Variants in ERC1 observed in about 807,000 individuals in gnomAD.
ERC1 encodes the protein RAB6 interacting protein 2.
In ERC1, 56 loss-of-function variants were observed where a neutral mutation model predicts 132.0. That is an observed-to-expected ratio of 0.42 (90% CI 0.34 to 0.53). The LOEUF (loss-of-function observed/expected upper bound fraction) is 0.53. Among genes scored for constraint, ERC1 ranks in the 20% least tolerant of loss-of-function variants. The pLI, the probability that ERC1 is intolerant of heterozygous loss-of-function variation, is 0.03. For missense variants in ERC1, 1,202 were observed against 1,349.9 expected, an observed-to-expected ratio of 0.89 and a Z score of 1.72; for synonymous variants, 478 against 476.1, an observed-to-expected ratio of 1.00 and a Z score of -0.05.
At chr12:1,145,422 G>A (rs549215287) in intron 8 of ERC1, among the ~76,000 whole-genome samples, 1 of 151,906 alleles carries the variant, frequency 6.6e-6, no homozygotes, top group Admixed American at 6.6e-5. Flanking sequence ...CTTTTTGATG[G>A]GATTATTTGT....
chr12:1,082,439 C>T (rs368903493), intron 2 of ERC1, among the ~76,000 whole-genome samples: 1 of 150,004 alleles, frequency 6.7e-6, no homozygotes, highest in African/African-American at 2.5e-5. Context: ...TAGGTGTGAG[C>T]CCCCGCGCCT....
chr12:1,073,986 T>C (rs572969017), intron 2 of ERC1, among the ~76,000 whole-genome samples: 2 of 147,816 alleles, frequency 1.4e-5, no homozygotes, highest in East Asian at 4.2e-4. Flanking sequence ...TGCCTTAGCC[T>C]CCTGAGTAGC....
intron 15 of ERC1, among the ~76,000 whole-genome samples, chr12:1,343,373 T>C (rs2084106239): frequency 6.6e-6 from 1 of 152,230 alleles, no homozygotes; most frequent in Non-Finnish European, 1.5e-5. Context: ...TTAGTCTTTA[T>C]ATTTCAGTTC....
chr12:1,394,614 A>G (rs536265684), intron 16 of ERC1, among the ~76,000 whole-genome samples: 4 of 152,052 alleles, frequency 2.6e-5, no homozygotes, highest in Non-Finnish European at 5.9e-5. Context: ...ATAGTGAGTG[A>G]GTTCTCTTGA....
intron 17 of ERC1, among the ~76,000 whole-genome samples, chr12:1,409,836 G>A (rs1049115995): frequency 6.6e-6 from 1 of 152,092 alleles, no homozygotes; most frequent in Non-Finnish European, 1.5e-5. Context: ...ACCCTTCTGA[G>A]TAGCTGGGAT....
chr12:1,007,901 A>G (rs561333763), intron 1 of ERC1, among the ~76,000 whole-genome samples: 18 of 152,266 alleles, frequency 1.2e-4, no homozygotes, highest in African/African-American at 4.3e-4. Flanking sequence ...TAACAGCAGT[A>G]TGGGACTGGT....
intron 2 of ERC1, among the ~76,000 whole-genome samples, chr12:1,054,674 G>A (rs1972615253): frequency 6.6e-6 from 1 of 152,090 alleles, no homozygotes; most frequent in East Asian, 1.9e-4. Flanking sequence ...ACTCGCACAA[G>A]GTGACCTTTG....
At chr12:1,288,400 C>A (rs1427119376) in intron 14 of ERC1, among the ~76,000 whole-genome samples, 1 of 152,200 alleles carries the variant, frequency 6.6e-6, no homozygotes, top group Non-Finnish European at 1.5e-5. Flanking sequence ...CAGGCACGAG[C>A]CACAGCGCCC....
chr12:1,430,109 G>A (rs113871805), intron 17 of ERC1, among the ~76,000 whole-genome samples: 3 of 152,126 alleles, frequency 2.0e-5, no homozygotes, highest in Non-Finnish European at 4.4e-5. Flanking sequence ...CTATTGGAAG[G>A]AACCTTCCGT....
chr12:1,444,710 C>A lies in ERC1; in HGVS notation c.3173C>A (p.Ala1058Glu), dbSNP rs764184040. Reference protein sequence around the residue: ...PASYNLDDDQAAWENELQKMT... With the variant: ...PASYNLDDDQEAWENELQKMT... ...TCCTATAACTTGGACGATGACCAGG[C>A]GGCTTGGGAGAATGAGCTGCAGAAG... Residue 1058 changes from alanine (A) to glutamate (E), a missense_variant, in exon 18 of 19, where the codon GCG (alanine) becomes GAG (glutamate). By Grantham distance (107) the Ala-to-Glu change is moderately radical. Transcript: ENST00000360905. 3 of 1,614,034 alleles carry A rather than the reference C, an allele frequency of 1.9e-6. No individual in the cohort carries two copies. Among genetic ancestry groups the A allele is most frequent in the South Asian group, 1.1e-5 (1 of 91,062 alleles).
intron 3 of ERC1, among the ~76,000 whole-genome samples, chr12:1,091,603 C>G (rs1363303990): frequency 6.6e-6 from 1 of 152,196 alleles, no homozygotes; most frequent in Non-Finnish European, 1.5e-5. Flanking sequence ...GATATAGCAG[C>G]AAACAAATCC....
At chr12:1,214,472 G>A (rs1388678627) in intron 12 of ERC1, among the ~76,000 whole-genome samples, 1 of 152,050 alleles carries the variant, frequency 6.6e-6, no homozygotes, top group African/African-American at 2.4e-5. Flanking sequence ...CATAGCGCTA[G>A]AGTTAGATAT....
At chr12:1,484,528 C>T (rs958565962) in intron 18 of ERC1, among the ~76,000 whole-genome samples, 3 of 152,032 alleles carry the variant, frequency 2.0e-5, no homozygotes, top group Non-Finnish European at 2.9e-5. Context: ...CATGCCCTAG[C>T]CAACTCTGTA....
At chr12:1,191,208 T>A (rs1955697246) in intron 12 of ERC1, among the ~76,000 whole-genome samples, 1 of 152,204 alleles carries the variant, frequency 6.6e-6, no homozygotes, top group Non-Finnish European at 1.5e-5. Context: ...TAAAATTCTT[T>A]AAGTCAGAAT....
chr12:1,003,783 G>A (rs568243556), intron 1 of ERC1, among the ~76,000 whole-genome samples: 242 of 152,234 alleles, frequency 1.6e-3, no homozygotes, highest in African/African-American at 5.5e-3. Flanking sequence ...TTACATAGTC[G>A]GCAGAAAGAA....
intron 13 of ERC1, among the ~76,000 whole-genome samples, chr12:1,239,125 A>G (rs1044983126): frequency 1.3e-5 from 2 of 152,160 alleles, no homozygotes; most frequent in Admixed American, 6.5e-5. Context: ...TTATTTACTT[A>G]TTTGACAGAC....
intron 1 of ERC1, among the ~76,000 whole-genome samples, chr12:1,023,836 T>A (rs553235839): frequency 5.3e-5 from 8 of 152,084 alleles, no homozygotes; most frequent in Admixed American, 2.0e-4. Context: ...TAGACAGAAG[T>A]TAAAAAGGCA....
Position 1,208,957 on chromosome 12 carries a change from A to ATTTTTT in ERC1, c.2351+18929_2351+18934dup, listed in dbSNP as rs538961813. On this transcript the variant is annotated intron_variant, in intron 12 of 18. Transcript: ENST00000360905. Reference sequence around the variant, plus strand: ...AGGCACTTGCCACCACGCCCAGCTGATTTTTTTTTTTTTTTTTTTTTTTTT... The same window carrying ATTTTTT: ...AGGCACTTGCCACCACGCCCAGCTGATTTTTTTTTTTTTTTTTTTTTTTTTTTTTTT... Among the ~76,000 whole-genome samples the ATTTTTT allele has an allele frequency of 9.8e-5, 7 of 71,610 alleles. 1 individual carries two copies. The highest frequency in any genetic ancestry group is 1.9e-4 in the African/African-American group (3 of 15,950). The allele number at this position is 71,610 out of a possible 152,430, so 47.0% of individuals were successfully genotyped here.
intron 1 of ERC1, among the ~76,000 whole-genome samples, chr12:1,025,494 T>C (rs919663060): frequency 2.1e-4 from 32 of 152,312 alleles, no homozygotes; most frequent in African/African-American, 7.5e-4. Context: ...GTTGGTTGTT[T>C]TTCTTTATGG....
Sources: gnomAD v4.1 joint callset for allele counts (sites outside exome capture counted in the v4.1 genomes callset) on GRCh38, gnomAD v4.1.1 for gene constraint, MANE v1.5 for transcripts, NCBI Gene and HGNC (gene_info 2026-07-23, HGNC 2026-07-21) for gene names.